BMPR2: variants seen among roughly 807,000 people sequenced by gnomAD.
BMPR2 encodes the protein bone morphogenetic protein receptor type-2.
Under a neutral mutation model 100.8 loss-of-function variants are expected in BMPR2, and 29 were observed. The observed-to-expected ratio is 0.29, with a 90% CI of 0.21 to 0.39. The LOEUF (loss-of-function observed/expected upper bound fraction) is 0.39, where lower values mean the gene tolerates loss of function less well. Among genes scored for constraint, BMPR2 ranks in the 10% least tolerant of loss-of-function variants. BMPR2 has a pLI of 1.00. For missense variants in BMPR2, 1,011 were observed against 1,274.5 expected, an observed-to-expected ratio of 0.79 and a Z score of 3.15; for synonymous variants, 382 against 442.3, an observed-to-expected ratio of 0.86 and a Z score of 1.71.
Position 202,561,042 on chromosome 2 carries a change from C to T in BMPR2, c.*1096C>T, listed in dbSNP as rs1688671478. Reference sequence around the variant, plus strand: ...TTACCCTTACTGTTTATTATAACTTCAGAAGTAATTTATAGTTCTGAACCT... The same window carrying T: ...TTACCCTTACTGTTTATTATAACTTTAGAAGTAATTTATAGTTCTGAACCT... On this transcript the variant is annotated 3_prime_UTR_variant, in exon 13 of 13. Transcript: ENST00000374580. The T allele has an allele frequency of 6.6e-6, 1 of 152,022 alleles. No individual in the cohort carries two copies. The highest frequency in any genetic ancestry group is 2.1e-4 in the South Asian group (1 of 4,830). The allele number at this position is 152,022 out of a possible 1,614,324, so 9.4% of individuals were successfully genotyped here. A position where few individuals can be genotyped will look rare whatever the true frequency, so the allele number is the denominator to read the frequency against.
At chr2:202,478,098 G>T (rs55908474) in intron 3 of BMPR2, among the ~76,000 whole-genome samples, 400 of 152,290 alleles carry the variant, frequency 2.6e-3, no homozygotes, top group Non-Finnish European at 4.2e-3. Context: ...CTGCCTTCTT[G>T]TTTCAGTTGT....
chr2:202,445,771 AT>A (rs759063361), intron 1 of BMPR2, among the ~76,000 whole-genome samples: 3,778 of 120,014 alleles, frequency 0.031, 247 homozygotes, highest in African/African-American at 0.12. Flanking sequence ...TACAAACATA[AT>A]TTTTTTTTTT....
At chr2:202,377,629 G>T in intron 1 of BMPR2, 79 bp downstream of exon 1, 1 of 1,515,116 alleles carries the variant, frequency 6.6e-7, no homozygotes, top group Non-Finnish European at 9.1e-7. Context: ...GCCGAGGCCT[G>T]TGCTTGCCCT....
rs369520917 is a variant in BMPR2, at chr2:202,514,393, C to G, written c.530-495C>G. 3.2e-3 allele frequency among the ~76,000 whole-genome samples: 487 copies of G among 152,296 alleles called. 2 individuals are homozygous for G. Among genetic ancestry groups the G allele is most frequent in the African/African-American group, 0.011 (472 of 41,568 alleles). ...CCTCGTGATCCGCCCGCCTTGGCCT[C>G]CCAAAGTGCTGGGATTACAGGCGTG... On this transcript the variant is annotated intron_variant, in intron 4 of 12. Transcript: ENST00000374580.
rs562019075 is a variant in BMPR2 at position 202,503,417 on chromosome 2, G to A, written c.419-10302G>A. Among the ~76,000 whole-genome samples the A allele has an allele frequency of 9.8e-5, 15 of 152,376 alleles. No homozygotes were observed. Among genetic ancestry groups the A allele is most frequent in the South Asian group, 4.1e-4 (2 of 4,832 alleles). On this transcript the variant is annotated intron_variant, in intron 3 of 12. Coordinates refer to ENST00000374580, the MANE Select transcript of BMPR2 (RefSeq NM_001204.7). This position sits in a 1 kb window ranked among gnomAD's most constrained non-coding sequence, Gnocchi z 4.0. ...CAAGCAGGAACCGGGGCGGCGTGCC[G>A]CGCTTGCGGGCCAGCCGGAGTTCCG...
intron 7 of BMPR2, among the ~76,000 whole-genome samples, chr2:202,528,847 C>T (rs1390680639): frequency 1.3e-5 from 2 of 152,176 alleles, no homozygotes; most frequent in East Asian, 3.8e-4. Context: ...TATGCCTATA[C>T]TATACTATTT....
intron 10 of BMPR2, among the ~76,000 whole-genome samples, chr2:202,552,234 C>T (rs765357285): frequency 6.6e-6 from 1 of 152,036 alleles, no homozygotes; most frequent in East Asian, 1.9e-4. Context: ...AGGTGATCTT[C>T]CTGCCTCAGC....
intron 3 of BMPR2, among the ~76,000 whole-genome samples, chr2:202,475,398 A>G (rs1325181004): frequency 2.0e-5 from 3 of 152,146 alleles, no homozygotes; most frequent in Non-Finnish European, 4.4e-5. Context: ...ATATATACCT[A>G]CTATGTACCC....
Position 202,561,980 on chromosome 2 carries a change from A to C in BMPR2, c.*2034A>C, listed in dbSNP as rs1306033177. 6.6e-6 allele frequency: 1 copy of C among 152,078 alleles called. No homozygotes were observed. The highest frequency in any genetic ancestry group is 1.9e-4 in the East Asian group (1 of 5,204). The allele number at this position is 152,078 out of a possible 1,614,324, so 9.4% of individuals were successfully genotyped here. ...CTTAATCTATTTTCAGTCTTCTGGC[A>C]CGTAATTTTTTTCACAGTTATTATT... On this transcript the variant is annotated 3_prime_UTR_variant, in exon 13 of 13. Transcript: ENST00000374580.
intron 1 of BMPR2, among the ~76,000 whole-genome samples, chr2:202,421,100 A>G (rs1691253085): frequency 6.6e-6 from 1 of 151,770 alleles, no homozygotes; most frequent in African/African-American, 2.4e-5. Context: ...AATACAAAAA[A>G]ATTAGCCGAG....
intron 1 of BMPR2, among the ~76,000 whole-genome samples, chr2:202,425,572 C>T (rs1157236564): frequency 1.3e-5 from 2 of 152,112 alleles, no homozygotes; most frequent in African/African-American, 4.8e-5. Flanking sequence ...TTAGGCTAAA[C>T]TTTATTTAAC....
At position 202,518,824 on chromosome 2, in the gene BMPR2, G is replaced by A; in HGVS notation, c.624G>A (p.Leu208=). Residue 208 remains leucine (L), a splice_region_variant and synonymous_variant, in exon 6 of 13, where the codon CTG becomes CTA. Transcript: ENST00000374580. ...TGCTTTCTTTAAAACACTTGCAGCT[G>A]ATTGGCCGAGGTCGATATGGAGCAG... ...LDLDNLKLLE[L]IGRGRYGAVY... The A allele has an allele frequency of 1.2e-6, 2 of 1,613,992 alleles. No individual in the cohort carries two copies. The highest frequency in any genetic ancestry group is 1.7e-6 in the Non-Finnish European group (2 of 1,179,820).
intron 1 of BMPR2, among the ~76,000 whole-genome samples, chr2:202,434,608 G>T (rs1266220617): frequency 4.0e-5 from 6 of 149,200 alleles, no homozygotes; most frequent in African/African-American, 1.0e-4. Context: ...ACTTCTTTTT[G>T]TTTCCTAATC....
At chr2:202,395,791 C>G (rs942125454) in intron 1 of BMPR2, among the ~76,000 whole-genome samples, 2 of 152,066 alleles carry the variant, frequency 1.3e-5, no homozygotes, top group African/African-American at 4.8e-5. Context: ...CAAAAATTAG[C>G]CAGGCATGGG....
intron 1 of BMPR2, among the ~76,000 whole-genome samples, chr2:202,429,965 A>G (rs532844416): frequency 1.3e-5 from 2 of 152,334 alleles, no homozygotes; most frequent in East Asian, 1.9e-4. Context: ...GAGCCAATCC[A>G]TATCAGGTTG....
intron 11 of BMPR2, among the ~76,000 whole-genome samples, chr2:202,553,526 C>T (rs1201016545): frequency 1.3e-5 from 2 of 151,802 alleles, no homozygotes; most frequent in Non-Finnish European, 2.9e-5. Flanking sequence ...TTTCTTTTTT[C>T]CATGTTTGGG....
At chr2:202,384,528 T>C (rs112005810) in intron 1 of BMPR2, among the ~76,000 whole-genome samples, 83 of 96,808 alleles carry the variant, frequency 8.6e-4, no homozygotes, top group African/African-American at 2.1e-3. Flanking sequence ...CTTTCTTTCT[T>C]TCTCTTTCTT....
At chr2:202,456,760 C>A (rs1035459100) in intron 1 of BMPR2, among the ~76,000 whole-genome samples, 2 of 152,102 alleles carry the variant, frequency 1.3e-5, no homozygotes, top group Non-Finnish European at 2.9e-5. Context: ...GGTAATTCAC[C>A]AGCCTCGGCC....
intron 3 of BMPR2, among the ~76,000 whole-genome samples, chr2:202,500,660 C>T (rs1422898920): frequency 6.6e-6 from 1 of 152,162 alleles, no homozygotes; most frequent in Non-Finnish European, 1.5e-5. Flanking sequence ...ATGCAGGAGT[C>T]CCTGAAACAC....
Sources: allele counts gnomAD v4.1 joint callset (sites outside exome capture counted in the v4.1 genomes callset), GRCh38; gene constraint gnomAD v4.1.1; non-coding constraint Gnocchi (gnomAD v3.1); transcripts MANE v1.5; gene names NCBI Gene and HGNC (gene_info 2026-07-23, HGNC 2026-07-21).